RIMS2: variants seen among roughly 807,000 people sequenced by gnomAD.
RIMS2 encodes regulating synaptic membrane exocytosis protein 2.
In RIMS2, 59 loss-of-function variants were observed where a neutral mutation model predicts 174.4. That is an observed-to-expected ratio of 0.34 (90% CI 0.27 to 0.42). RIMS2 has a LOEUF of 0.42. RIMS2 is among the 10% of genes least tolerant of loss of function. RIMS2 has a pLI of 1.00. For synonymous variants in RIMS2, 606 were observed against 572.5 expected (o/e 1.06, Z -0.84); for missense variants, 1,620 against 1,666.3 (o/e 0.97, Z 0.48).
intron 3 of RIMS2, among the ~76,000 whole-genome samples, chr8:103,882,299 T>C (rs1417390256): frequency 2.0e-5 from 3 of 151,538 alleles, no homozygotes; most frequent in Non-Finnish European, 4.4e-5. Flanking sequence ...GAATATACTA[T>C]CTATGAAATA....
At chr8:103,734,460 CTTT>C (rs148688078) in intron 2 of RIMS2, among the ~76,000 whole-genome samples, 2 of 133,746 alleles carry the variant, frequency 1.5e-5, no homozygotes, top group African/African-American at 5.5e-5. Flanking sequence ...TTGGATGGTT[CTTT>C]TTTTTTTTTT....
Position 103,978,005 on chromosome 8 carries a change from C to T in RIMS2, c.2927+2499C>T, listed in dbSNP as rs77841063. ...TTCCAGCCCTGTAATCACCTGGTCC[C>T]TCTGTAGCTCTGTAGACTGGTCCTA... On this transcript the variant is annotated intron_variant, in intron 16 of 23. Coordinates refer to ENST00000504942, the Ensembl canonical transcript of RIMS2. Among the ~76,000 whole-genome samples, 14 of 152,262 alleles carry T rather than the reference C, an allele frequency of 9.2e-5. No individual in the cohort carries two copies. In the East Asian group the frequency reaches 1.2e-3, roughly 13 times the overall value.
intron 19 of RIMS2, among the ~76,000 whole-genome samples, chr8:104,187,284 A>G (rs1164347378): frequency 1.3e-5 from 2 of 151,802 alleles, no homozygotes; most frequent in Non-Finnish European, 2.9e-5. Flanking sequence ...TTGTTGTTTG[A>G]GGTTAATTCC....
rs578041222 is a variant in RIMS2, at chr8:104,189,367, A to AAT, written c.3335-55548_3335-55547insTA. On this transcript the variant is annotated intron_variant, in intron 19 of 23. Transcript: ENST00000504942. The stretch of plus-strand genomic sequence containing the variant: ...TAAATCATTAGCCCTTTGTCATCAG[A>AAT]ACACTAGTCTATCTTCCTGATCCAG... Among the ~76,000 whole-genome samples, 285 of 151,936 alleles carry AAT rather than the reference A, an allele frequency of 1.9e-3. 2 individuals are homozygous for AAT. Among genetic ancestry groups the AAT allele is most frequent in the African/African-American group, 6.3e-3 (263 of 41,522 alleles).
At chr8:103,623,028 A>G (rs2095671692) in intron 1 of RIMS2, among the ~76,000 whole-genome samples, 1 of 152,228 alleles carries the variant, frequency 6.6e-6, no homozygotes. Context: ...GAAAGACACT[A>G]ACTGTCTCTG....
At chr8:103,752,670 T>C (rs1222025955) in intron 2 of RIMS2, among the ~76,000 whole-genome samples, 1 of 152,228 alleles carries the variant, frequency 6.6e-6, no homozygotes, top group Non-Finnish European at 1.5e-5. Flanking sequence ...GGTGGATTCC[T>C]AGGTATTTTA....
At chr8:103,873,477 G>A (rs1357627859) in intron 3 of RIMS2, among the ~76,000 whole-genome samples, 2 of 151,916 alleles carry the variant, frequency 1.3e-5, no homozygotes, top group Non-Finnish European at 2.9e-5. Flanking sequence ...TTCATGTGTC[G>A]TCTACCTCTT....
At chr8:104,098,551 T>C (rs1043864127) in intron 19 of RIMS2, among the ~76,000 whole-genome samples, 1 of 152,182 alleles carries the variant, frequency 6.6e-6, no homozygotes, top group African/African-American at 2.4e-5. Context: ...ACACTTATGG[T>C]TCTCAGGCAT....
intron 19 of RIMS2, 55 bp from the exon 23 acceptor site, chr8:104,068,457 G>A (rs975357963): frequency 1.6e-5 from 12 of 769,410 alleles, no homozygotes; most frequent in African/African-American, 6.9e-5. Context: ...CCTGTAAGTC[G>A]GACTCAGAAA....
At chr8:103,597,524 C>G (rs1170509475) in intron 1 of RIMS2, among the ~76,000 whole-genome samples, 1 of 152,092 alleles carries the variant, frequency 6.6e-6, no homozygotes, top group African/African-American at 2.4e-5. Context: ...CAGTAGGTCC[C>G]ACACCTCCTG....
chr8:104,048,452 A>C (rs549875728), intron 19 of RIMS2, among the ~76,000 whole-genome samples: 1 of 152,206 alleles, frequency 6.6e-6, no homozygotes, highest in South Asian at 2.1e-4. Flanking sequence ...CCATGGTAAG[A>C]GTGTGATAAC....
At chr8:104,241,690 A>T (rs72667404) in intron 19 of RIMS2, among the ~76,000 whole-genome samples, 4,958 of 152,288 alleles carry the variant, frequency 0.033, 129 homozygotes, top group Non-Finnish European at 0.054. Context: ...GGAAGTGAAC[A>T]TTAAAGCTAC....
chr8:104,074,373 G>T (rs1032008003), intron 19 of RIMS2, among the ~76,000 whole-genome samples: 1 of 151,944 alleles, frequency 6.6e-6, no homozygotes, highest in Non-Finnish European at 1.5e-5. Flanking sequence ...TAGTGATGAG[G>T]ATTAAACGAG....
At chr8:103,761,902 T>C (rs2098116639) in intron 2 of RIMS2, among the ~76,000 whole-genome samples, 1 of 152,216 alleles carries the variant, frequency 6.6e-6, no homozygotes, top group South Asian at 2.1e-4. Context: ...TGTAAGTCTT[T>C]AAACTATAAT....
chr8:104,055,192 A>G (rs2096848847), intron 19 of RIMS2, among the ~76,000 whole-genome samples: 1 of 152,072 alleles, frequency 6.6e-6, no homozygotes, highest in South Asian at 2.1e-4. Flanking sequence ...TACTTTTAAT[A>G]CTCTCAAAAA....
intron 3 of RIMS2, among the ~76,000 whole-genome samples, chr8:103,796,475 C>A (rs909575206): frequency 6.6e-6 from 1 of 152,088 alleles, no homozygotes; most frequent in Non-Finnish European, 1.5e-5. Context: ...AACTCAAAAG[C>A]CTGTTATGCC....
intron 2 of RIMS2, among the ~76,000 whole-genome samples, chr8:103,724,277 G>C (rs947034389): frequency 6.6e-6 from 1 of 151,982 alleles, no homozygotes; most frequent in Admixed American, 6.5e-5. Context: ...TCTGAGAGGG[G>C]GTGAGGGTAG....
intron 1 of RIMS2, among the ~76,000 whole-genome samples, chr8:103,636,014 C>T (rs1429142644): frequency 6.6e-6 from 1 of 152,130 alleles, no homozygotes; most frequent in African/African-American, 2.4e-5. Context: ...TTTGGTAGGG[C>T]AGCTGTGCTG....
intron 1 of RIMS2, among the ~76,000 whole-genome samples, chr8:103,657,372 T>G (rs1436798688): frequency 2.0e-5 from 3 of 152,170 alleles, no homozygotes; most frequent in Non-Finnish European, 4.4e-5. Context: ...AAGACAGAAG[T>G]GTCATAGGTC....
Sources: allele counts gnomAD v4.1 joint callset (sites outside exome capture counted in the v4.1 genomes callset), GRCh38; gene constraint gnomAD v4.1.1; transcripts MANE v1.5; gene names NCBI Gene and HGNC (gene_info 2026-07-23, HGNC 2026-07-21).